COL22A1: variants seen among roughly 807,000 people sequenced by gnomAD.
COL22A1 encodes the protein collagen alpha-1(XXII) chain.
Under a neutral mutation model 248.9 loss-of-function variants are expected in COL22A1, and 221 were observed. The observed-to-expected ratio is 0.89, with a 90% CI of 0.80 to 0.99. COL22A1 has a LOEUF of 0.99. COL22A1 is among the 50% of genes least tolerant of loss of function. The pLI is 0.00. For synonymous variants in COL22A1, 891 were observed against 793.4 expected, an observed-to-expected ratio of 1.12 and a Z score of -2.07; for missense variants, 2,240 against 2,179.0, an observed-to-expected ratio of 1.03 and a Z score of -0.56.
intron 30 of COL22A1, among the ~76,000 whole-genome samples, chr8:138,710,485 C>A (rs78986940): frequency 0.098 from 14,925 of 152,112 alleles, 924 homozygotes; most frequent in Non-Finnish European, 0.13. Flanking sequence ...AATGTTGTAT[C>A]CTTTTCTACC....
At chr8:138,709,148 G>C (rs1165935498) in intron 30 of COL22A1, among the ~76,000 whole-genome samples, 1 of 152,164 alleles carries the variant, frequency 6.6e-6, no homozygotes, top group African/African-American at 2.4e-5. Context: ...ACAGGTGCTG[G>C]AGAGGATGTG....
In COL22A1 at chr8:138,833,140, C is replaced by T; in HGVS notation, c.744G>A (p.Leu248=). 1 of 1,610,740 alleles carries T rather than the reference C, an allele frequency of 6.2e-7. No homozygotes were observed. Among genetic ancestry groups the T allele is most frequent in the Non-Finnish European group, 8.5e-7 (1 of 1,176,834 alleles). Residue 248 remains leucine, a synonymous_variant, in exon 5 of 65, where the codon CTG becomes CTA. Coordinates refer to ENST00000303045, the MANE Select transcript of COL22A1 (RefSeq NM_152888.3). ...GGTKEITGFD[L]MDLFSVKEIL... is the part of the protein sequence containing the mutation. ...TTTCCTTCACACTGAACAAATCCATCAGGTCAAAACCTGTACAAAGAGAAG... is the reference window on the plus strand; with the variant it reads ...TTTCCTTCACACTGAACAAATCCATTAGGTCAAAACCTGTACAAAGAGAAG...
intron 32 of COL22A1, among the ~76,000 whole-genome samples, chr8:138,697,318 CCTGAAGCCT>C (rs1827585676): frequency 1.3e-5 from 2 of 152,196 alleles, no homozygotes; most frequent in African/African-American, 2.4e-5. Flanking sequence ...GCCTGGGCAT[CCTGAAGCCT>C]CCTTAGCAGG....
intron 3 of COL22A1, among the ~76,000 whole-genome samples, chr8:138,850,442 G>A (rs1389671901): frequency 1.3e-5 from 2 of 152,222 alleles, no homozygotes; most frequent in East Asian, 3.8e-4. Flanking sequence ...CAGGAGATCA[G>A]GGCCACCTCC....
Position 138,630,697 on chromosome 8 carries a change from G to T in COL22A1, c.3661C>A (p.Pro1221Thr). The T allele has an allele frequency of 6.2e-7, 1 of 1,613,638 alleles. No homozygotes were observed. The highest frequency in any genetic ancestry group is 8.5e-7 in the Non-Finnish European group (1 of 1,179,634). ...AAGPPGIQGS[P>T]GKEGPPGPQG... Reference sequence around the variant, plus strand: ...ATCCCATTCCTTGAGGAACTTACAGGTGACCCTTGGATTCCTGGTGGTCCA... The same window carrying T: ...ATCCCATTCCTTGAGGAACTTACAGTTGACCCTTGGATTCCTGGTGGTCCA... The change falls in exon 50 of 65, where the codon CCT becomes ACT. Residue 1221 changes from proline to threonine, a missense_variant and splice_region_variant. Coordinates refer to ENST00000303045, the MANE Select transcript of COL22A1 (RefSeq NM_152888.3).
chr8:138,692,256 G>GGA (rs1564201653), intron 35 of COL22A1, among the ~76,000 whole-genome samples: 19 of 115,138 alleles, frequency 1.7e-4, no homozygotes, highest in African/African-American at 2.6e-4. Flanking sequence ...ACGTATGTGT[G>GGA]CGTGTGTGCA....
At position 138,683,147 on chromosome 8, in the gene COL22A1, A is replaced by G. The variant is rs560802429; in HGVS notation, c.3012+1278T>C. On this transcript the variant is annotated intron_variant, in intron 39 of 64. Transcript: ENST00000303045. ...ACTCATCTGCTTTTCGTCTGTTGACATATCTGTTTTCCTGGCTGAACCGTG... is the reference window on the plus strand; with the variant it reads ...ACTCATCTGCTTTTCGTCTGTTGACGTATCTGTTTTCCTGGCTGAACCGTG... 3.3e-5 allele frequency among the ~76,000 whole-genome samples: 5 copies of G among 152,268 alleles called. No homozygotes were observed. In the East Asian group the frequency reaches 9.7e-4, roughly 29 times the overall value.
At chr8:138,626,559 A>G (rs1394753489) in intron 50 of COL22A1, among the ~76,000 whole-genome samples, 3 of 152,234 alleles carry the variant, frequency 2.0e-5, no homozygotes, top group Non-Finnish European at 4.4e-5. Flanking sequence ...AGTATCCACA[A>G]GACCTGGGTC....
At chr8:138,745,701 A>G (rs938299968) in intron 22 of COL22A1, among the ~76,000 whole-genome samples, 5 of 152,348 alleles carry the variant, frequency 3.3e-5, no homozygotes, top group African/African-American at 1.2e-4. Context: ...TAACAGTGAC[A>G]GCCATTTTGA....
At chr8:138,643,711 A>AT (rs966656765) in intron 47 of COL22A1, among the ~76,000 whole-genome samples, 2 of 149,940 alleles carry the variant, frequency 1.3e-5, no homozygotes, top group African/African-American at 4.9e-5. Context: ...ATTTTAAAAA[A>AT]TTTTTTTTTC....
intron 22 of COL22A1, among the ~76,000 whole-genome samples, chr8:138,743,270 G>T (rs1199506153): frequency 5.4e-5 from 8 of 149,424 alleles, no homozygotes; most frequent in Non-Finnish European, 5.9e-5. Flanking sequence ...GGTAGTGATT[G>T]TGATGATGAT....
chr8:138,626,137 AT>A, intron 51 of COL22A1, 52 bp downstream of exon 51: 2 of 1,421,860 alleles, frequency 1.4e-6, no homozygotes, highest in Non-Finnish European at 1.9e-6. Context: ...CTTTGTTTTT[AT>A]AAAGAGAAAC....
In COL22A1 at chr8:138,688,907, T is replaced by G. The variant is rs773087956; in HGVS notation, c.2862+10A>C. On this transcript the variant is annotated intron_variant, in intron 37 of 64. Transcript: ENST00000303045. ...TTCACTTGTGTGCTGAGAGATCATA[T>G]TGGTCTTACCTTCTCACCACGCTCC... The G allele has an allele frequency of 1.9e-6, 3 of 1,609,744 alleles. No individual in the cohort carries two copies. In the East Asian group the frequency reaches 6.7e-5, roughly 36 times the overall value.
In COL22A1 at chr8:138,821,348, C is replaced by A. The variant is rs1256107729; in HGVS notation, c.1033G>T (p.Asp345Tyr). The A allele has an allele frequency of 1.2e-6, 2 of 1,614,052 alleles. No homozygotes were observed. Among genetic ancestry groups the A allele is most frequent in the East Asian group, 4.5e-5 (2 of 44,888 alleles). Residue 345 changes from aspartate to tyrosine, a missense_variant, in exon 7 of 65, where the codon GAT becomes TAT. By Grantham distance (160) the Asp-to-Tyr change is radical. Coordinates refer to ENST00000303045, the MANE Select transcript of COL22A1 (RefSeq NM_152888.3). ...VEYNAVGAMK[D>Y]AVRVVFRGSR... Reference sequence around the variant, plus strand: ...CCTCGGAAGACCACCCTGACAGCATCTTTCATGGCACCCACAGCGTTGTAC... The same window carrying A: ...CCTCGGAAGACCACCCTGACAGCATATTTCATGGCACCCACAGCGTTGTAC...
intron 21 of COL22A1, 75 bp downstream of exon 21, chr8:138,755,082 A>C: frequency 7.0e-7 from 1 of 1,433,054 alleles, no homozygotes; most frequent in Non-Finnish European, 9.8e-7. Context: ...AGCGCCGGGA[A>C]TGACTCTGAT....
intron 12 of COL22A1, among the ~76,000 whole-genome samples, chr8:138,788,550 A>G (rs906922561): frequency 6.6e-6 from 1 of 152,186 alleles, no homozygotes; most frequent in Non-Finnish European, 1.5e-5. Flanking sequence ...GAATTTGAAG[A>G]AAGGGAAGGT....
At chr8:138,810,643 T>C (rs1163126327) in intron 9 of COL22A1, among the ~76,000 whole-genome samples, 1 of 152,136 alleles carries the variant, frequency 6.6e-6, no homozygotes, top group East Asian at 1.9e-4. Context: ...GAGTTCGATG[T>C]CCGAATTAAC....
At chr8:138,911,382 G>A (rs964395139) in intron 1 of COL22A1, among the ~76,000 whole-genome samples, 1 of 152,180 alleles carries the variant, frequency 6.6e-6, no homozygotes, top group African/African-American at 2.4e-5. Context: ...CTATTCCCAG[G>A]AAAGCCTGAT....
rs751497210 is a variant in COL22A1, at chr8:138,662,925, AGG to A, written c.3186+778_3186+779del. On this transcript the variant is annotated intron_variant, in intron 42 of 64. Transcript: ENST00000303045. Reference sequence around the variant, plus strand: ...CAGCTACCGGGGAGGGCGAGGCAGGAGGATTGCTTGAACCCAGGAGGCGGAGA... The same window carrying A: ...CAGCTACCGGGGAGGGCGAGGCAGGAATTGCTTGAACCCAGGAGGCGGAGA... 5.9e-5 allele frequency among the ~76,000 whole-genome samples: 9 copies of A among 151,270 alleles called. No individual in the cohort carries two copies. In the South Asian group the frequency reaches 1.9e-3, roughly 32 times the overall value.
Sources: allele counts gnomAD v4.1 joint callset (sites outside exome capture counted in the v4.1 genomes callset), GRCh38; gene constraint gnomAD v4.1.1; transcripts MANE v1.5; gene names NCBI Gene and HGNC (gene_info 2026-07-23, HGNC 2026-07-21).